KCNIP4: variants seen among roughly 807,000 people sequenced by gnomAD.
KCNIP4 encodes the protein Kv channel-interacting protein 4.
Under a neutral mutation model 34.0 loss-of-function variants are expected in KCNIP4, and 12 were observed. That is an observed-to-expected ratio of 0.35 (90% CI 0.23 to 0.57). The LOEUF is 0.57. KCNIP4 is among the 20% of genes least tolerant of loss of function. The probability of loss-of-function intolerance (pLI) is 0.83; values close to 1 mark genes in which losing one functional copy is unlikely to be tolerated. For synonymous variants in KCNIP4, 124 were observed against 102.2 expected (o/e 1.21, Z -1.29); for missense variants, 238 against 311.7 (o/e 0.76, Z 1.78).
intron 1 of KCNIP4, among the ~76,000 whole-genome samples, chr4:21,330,309 C>A (rs12501409): frequency 0.039 from 5,946 of 152,186 alleles, 219 homozygotes; most frequent in South Asian, 0.14. Flanking sequence ...GTATATGATA[C>A]AAAAACATGT....
intron 1 of KCNIP4, among the ~76,000 whole-genome samples, chr4:21,042,450 A>G (rs1164991903): frequency 6.6e-6 from 1 of 152,226 alleles, no homozygotes; most frequent in Non-Finnish European, 1.5e-5. Flanking sequence ...AGACAAATGT[A>G]TGATCTCTTG....
chr4:20,945,592 A>AGT (rs1322530085), intron 1 of KCNIP4, among the ~76,000 whole-genome samples: 3 of 152,012 alleles, frequency 2.0e-5, no homozygotes, highest in African/African-American at 2.4e-5. Context: ...TACGTGTGTG[A>AGT]GTGTGTGTGT....
intron 1 of KCNIP4, among the ~76,000 whole-genome samples, chr4:21,284,068 C>G (rs1762950424): frequency 6.6e-6 from 1 of 151,852 alleles, no homozygotes; most frequent in Non-Finnish European, 1.5e-5. Context: ...AAAAAATTAG[C>G]CAGGTGTGGT....
At chr4:21,760,341 C>T (rs1269640641) in intron 1 of KCNIP4, among the ~76,000 whole-genome samples, 7 of 151,978 alleles carry the variant, frequency 4.6e-5, no homozygotes, top group Non-Finnish European at 8.8e-5. Flanking sequence ...ATAACCATGC[C>T]AAGAAAATGA....
chr4:21,657,455 A>C (rs999529488), intron 1 of KCNIP4, among the ~76,000 whole-genome samples: 1 of 152,220 alleles, frequency 6.6e-6, no homozygotes, highest in Admixed American at 6.5e-5. Context: ...ATCAGGATAA[A>C]ATTCTTAGGC....
rs1747463986 is a variant in KCNIP4 at position 20,729,770 on chromosome 4, A to T, written c.*312T>A. 4.0e-6 allele frequency: 1 copy of T among 248,222 alleles called. No individual in the cohort carries two copies. Among genetic ancestry groups the T allele is most frequent in the Non-Finnish European group, 7.6e-6 (1 of 130,854 alleles). The allele number at this position is 248,222 out of a possible 1,614,324, so 15.4% of individuals were successfully genotyped here. A position where few individuals can be genotyped will look rare whatever the true frequency, so the allele number is the denominator to read the frequency against. On this transcript the variant is annotated 3_prime_UTR_variant, in exon 9 of 9. Coordinates refer to ENST00000382152, the MANE Select transcript of KCNIP4 (RefSeq NM_025221.6). The stretch of plus-strand genomic sequence containing the variant: ...ACACTGATATTTTAAAATCACTGAT[A>T]TGTGAAAGCCTCAATAATCCCATGG...
intron 1 of KCNIP4, among the ~76,000 whole-genome samples, chr4:21,797,092 A>G (rs1720674772): frequency 6.6e-6 from 1 of 152,160 alleles, no homozygotes; most frequent in Non-Finnish European, 1.5e-5. Context: ...TTTGATCAAC[A>G]CTACCCACAA....
intron 1 of KCNIP4, among the ~76,000 whole-genome samples, chr4:21,325,962 A>G (rs1452415356): frequency 6.6e-6 from 1 of 151,812 alleles, no homozygotes; most frequent in Non-Finnish European, 1.5e-5. Flanking sequence ...CAAAGATGAT[A>G]CTTGATATAA....
At chr4:21,115,366 AT>A (rs934871036) in intron 1 of KCNIP4, among the ~76,000 whole-genome samples, 1 of 152,148 alleles carries the variant, frequency 6.6e-6, no homozygotes, top group African/African-American at 2.4e-5. Flanking sequence ...TTATAATTTG[AT>A]TTTTTACCTC....
intron 1 of KCNIP4, among the ~76,000 whole-genome samples, chr4:21,547,911 G>A (rs1165097085): frequency 6.6e-6 from 1 of 152,050 alleles, no homozygotes; most frequent in African/African-American, 2.4e-5. Flanking sequence ...CTGAAACAAA[G>A]TTTGTGTACA....
chr4:21,134,729 C>T (rs1751368242), intron 1 of KCNIP4, among the ~76,000 whole-genome samples: 1 of 152,150 alleles, frequency 6.6e-6, no homozygotes, highest in Admixed American at 6.5e-5. Flanking sequence ...AATATACATC[C>T]CCCAAGCTTG....
intron 1 of KCNIP4, among the ~76,000 whole-genome samples, chr4:21,809,540 A>C (rs1721499104): frequency 6.6e-6 from 1 of 152,164 alleles, no homozygotes; most frequent in Non-Finnish European, 1.5e-5. Context: ...CCTAATATGC[A>C]TATGTTCACC....
Position 21,783,960 on chromosome 4 carries a change from T to A in KCNIP4, c.61+164611A>T, listed in dbSNP as rs114950436. Among the ~76,000 whole-genome samples, 1,024 of 152,302 alleles carry A rather than the reference T, an allele frequency of 6.7e-3. 19 individuals are homozygous for A. The highest frequency in any genetic ancestry group is 0.023 in the African/African-American group (967 of 41,562). On this transcript the variant is annotated intron_variant, in intron 1 of 8. Coordinates refer to ENST00000382152, the MANE Select transcript of KCNIP4 (RefSeq NM_025221.6). ...TTGTAGAAATATATATTTAATCAGA[T>A]ACATATATGTATTACTCTGTTTTCA... is the stretch of plus-strand genomic sequence containing the variant.
chr4:20,854,011 G>C (rs190319850), intron 2 of KCNIP4, among the ~76,000 whole-genome samples: 1 of 152,292 alleles, frequency 6.6e-6, no homozygotes, highest in Non-Finnish European at 1.5e-5. Flanking sequence ...TGTGGATGCG[G>C]TGAACAGGGA....
intron 1 of KCNIP4, among the ~76,000 whole-genome samples, chr4:20,970,653 G>C (rs1734841494): frequency 6.6e-6 from 1 of 152,148 alleles, no homozygotes; most frequent in Admixed American, 6.6e-5. Context: ...TAGTGCCGAA[G>C]ACAGCACACA....
rs1386470687 is a variant in KCNIP4 at position 20,807,930 on chromosome 4, C to T, written c.288+42613G>A. Among the ~76,000 whole-genome samples, 3 of 152,150 alleles carry T rather than the reference C, an allele frequency of 2.0e-5. No homozygotes were observed. In the East Asian group the frequency reaches 5.8e-4, roughly 29 times the overall value. The stretch of plus-strand genomic sequence containing the variant: ...GTACATCTAACAAGTTTCACAGGGC[C>T]CTTTTAAAAGACAATTTAAAATATA... On this transcript the variant is annotated intron_variant, in intron 3 of 8. Coordinates refer to ENST00000382152, the MANE Select transcript of KCNIP4 (RefSeq NM_025221.6).
chr4:21,431,743 C>A (rs1345974041), intron 1 of KCNIP4, among the ~76,000 whole-genome samples: 5 of 151,632 alleles, frequency 3.3e-5, no homozygotes, highest in Non-Finnish European at 7.4e-5. Flanking sequence ...ATTTTATGGA[C>A]ATATAGCCAA....
At chr4:21,023,193 T>C (rs1232459950) in intron 1 of KCNIP4, among the ~76,000 whole-genome samples, 2 of 152,116 alleles carry the variant, frequency 1.3e-5, no homozygotes, top group Non-Finnish European at 2.9e-5. Context: ...CTAGTAGTCA[T>C]TATAAATATA....
intron 1 of KCNIP4, among the ~76,000 whole-genome samples, chr4:20,960,031 C>A (rs1343538655): frequency 1.3e-5 from 2 of 152,134 alleles, no homozygotes; most frequent in Non-Finnish European, 2.9e-5. Context: ...ATAGAGTAGA[C>A]AGACTGTGCA....
Sources: gnomAD v4.1 joint callset for allele counts (sites outside exome capture counted in the v4.1 genomes callset) on GRCh38, gnomAD v4.1.1 for gene constraint, MANE v1.5 for transcripts, NCBI Gene and HGNC (gene_info 2026-07-23, HGNC 2026-07-21) for gene names.